PHC3: variants seen among roughly 807,000 people sequenced by gnomAD.
PHC3 encodes the protein polyhomeotic homolog 3.
A neutral mutation model predicts 107.4 loss-of-function variants in PHC3; 13 were observed. The observed-to-expected ratio is 0.12, with a 90% confidence interval of 0.08 to 0.19. The LOEUF is 0.19. PHC3 is among the 10% of genes least tolerant of loss of function. The pLI is 1.00. For missense variants in PHC3, 992 were observed against 1,210.9 expected, an observed-to-expected ratio of 0.82 and a Z score of 2.68; for synonymous variants, 456 against 427.4, an observed-to-expected ratio of 1.07 and a Z score of -0.83.
chr3:170,157,818 C>CA (rs1256541561), intron 4 of PHC3, among the ~76,000 whole-genome samples: 2 of 151,762 alleles, frequency 1.3e-5, no homozygotes, highest in Non-Finnish European at 2.9e-5. Context: ...CTCACTGACC[C>CA]ACTGAATATA....
chr3:170,161,302 C>T (rs189910485), intron 4 of PHC3, among the ~76,000 whole-genome samples: 1 of 152,326 alleles, frequency 6.6e-6, no homozygotes, highest in East Asian at 1.9e-4. Context: ...ATAGTCCAAT[C>T]TGTCAGTCTA....
chr3:170,159,017 C>A (rs1023226413), intron 4 of PHC3, among the ~76,000 whole-genome samples: 4 of 151,570 alleles, frequency 2.6e-5, no homozygotes, highest in African/African-American at 9.7e-5. Context: ...TTTGGGAGGC[C>A]AAGGCGGGCA....
At chr3:170,135,033 T>C (rs1312625982) in intron 7 of PHC3, among the ~76,000 whole-genome samples, 1 of 152,204 alleles carries the variant, frequency 6.6e-6, no homozygotes, top group Non-Finnish European at 1.5e-5. Context: ...TGGAATATTT[T>C]ACACTTACAC....
intron 6 of PHC3, among the ~76,000 whole-genome samples, chr3:170,141,634 C>T (rs888379763): frequency 6.6e-6 from 1 of 152,032 alleles, no homozygotes; most frequent in Non-Finnish European, 1.5e-5. Context: ...GTTTTTGAGA[C>T]AGGGTCTCAC....
At position 170,102,490 on chromosome 3, in the gene PHC3, T is replaced by C; in HGVS notation, c.2822A>G (p.His941Arg). 4 of 1,613,518 alleles carry C rather than the reference T, an allele frequency of 2.5e-6. No homozygotes were observed. Among genetic ancestry groups the C allele is most frequent in the Non-Finnish European group, 3.4e-6 (4 of 1,179,708 alleles). The change falls in exon 14 of 15, where the codon CAT (histidine) becomes CGT (arginine). Residue 941 changes from histidine to arginine, a missense_variant. By Grantham distance (29) the His-to-Arg change is conservative. Transcript: ENST00000495893. ...WTVDDVWAFI[H>R]SLPGCQDIAD... ...GATGAATTACATACCAGGCAAAGAA[T>C]GGATGAAGGCCCAGACATCATCAAC...
chr3:170,136,691 G>A (rs1202400747), intron 6 of PHC3, 26 bp from the exon 7 acceptor site: 1 of 1,606,566 alleles, frequency 6.2e-7, no homozygotes, highest in Non-Finnish European at 8.5e-7. Context: ...CAGAAAATTA[G>A]GATGAAAACA....
At chr3:170,130,106 C>A (rs749841688) in intron 7 of PHC3, among the ~76,000 whole-genome samples, 10 of 152,176 alleles carry the variant, frequency 6.6e-5, no homozygotes, top group Non-Finnish European at 1.3e-4. Context: ...TAATCTGAAT[C>A]TATACATGGT....
intron 4 of PHC3, among the ~76,000 whole-genome samples, chr3:170,150,385 T>G (rs1046481735): frequency 2.0e-5 from 3 of 151,980 alleles, no homozygotes; most frequent in African/African-American, 7.2e-5. Context: ...GTTTAAAACT[T>G]CTGTTAAAGA....
rs868261074 is a variant in PHC3 at position 170,135,270 on chromosome 3, C to T, written c.919+1149G>A. On this transcript the variant is annotated intron_variant, in intron 7 of 14. Coordinates refer to ENST00000495893, the MANE Select transcript of PHC3 (RefSeq NM_024947.4). ...GGTTCAAGTAACTCTCATACCTCAG[C>T]CTCCCAAGTAGCTGGGACTACAGGT... is the stretch of plus-strand genomic sequence containing the variant. Among the ~76,000 whole-genome samples the T allele has an allele frequency of 6.6e-5, 10 of 152,238 alleles. No homozygotes were observed. In the South Asian group the frequency reaches 2.1e-3, roughly 32 times the overall value.
intron 11 of PHC3, among the ~76,000 whole-genome samples, chr3:170,112,731 T>A (rs1577009442): frequency 6.6e-6 from 1 of 151,662 alleles, no homozygotes; most frequent in Non-Finnish European, 1.5e-5. Context: ...ACCATGTTGG[T>A]CAGGCTGGTC....
intron 2 of PHC3, among the ~76,000 whole-genome samples, chr3:170,174,865 G>A (rs570626331): frequency 2.0e-5 from 3 of 152,248 alleles, no homozygotes; most frequent in South Asian, 4.1e-4. Flanking sequence ...ACCTTTTTTA[G>A]TCAGATCAAT....
At chr3:170,123,192 C>A (rs1720675873) in intron 8 of PHC3, among the ~76,000 whole-genome samples, 1 of 152,114 alleles carries the variant, frequency 6.6e-6, no homozygotes, top group African/African-American at 2.4e-5. Flanking sequence ...ATCCCAGGCT[C>A]TTCCTTATTA....
rs570792617 is a variant in PHC3 at position 170,120,552 on chromosome 3, G to A, written c.1942+2039C>T. On this transcript the variant is annotated intron_variant, in intron 9 of 14. Transcript: ENST00000495893. ...CATGCCACTGCACTCCAGCCTGGGC[G>A]ACAGAGCCAGACTCCATCTCAAAAA... is the stretch of plus-strand genomic sequence containing the variant. 5.3e-5 allele frequency among the ~76,000 whole-genome samples: 8 copies of A among 151,350 alleles called. No homozygotes were observed. The East Asian group carries it at 9.7e-4, about 18-fold the overall frequency.
intron 4 of PHC3, among the ~76,000 whole-genome samples, chr3:170,152,329 C>A (rs574451735): frequency 6.7e-6 from 1 of 149,974 alleles, no homozygotes; most frequent in Admixed American, 6.6e-5. Flanking sequence ...CACCACCACG[C>A]CTGGCTAATT....
intron 12 of PHC3, among the ~76,000 whole-genome samples, chr3:170,104,604 A>C (rs117725978): frequency 6.6e-6 from 1 of 152,170 alleles, no homozygotes; most frequent in Non-Finnish European, 1.5e-5. Context: ...GAAAGTTACA[A>C]GAATAAATCC....
intron 2 of PHC3, among the ~76,000 whole-genome samples, chr3:170,172,981 AG>A (rs1729854217): frequency 6.6e-6 from 1 of 152,148 alleles, no homozygotes; most frequent in South Asian, 2.1e-4. Context: ...TCACAAGGTC[AG>A]GAGATCAAGA....
At chr3:170,107,722 T>A (rs1020481545) in intron 11 of PHC3, among the ~76,000 whole-genome samples, 1 of 152,216 alleles carries the variant, frequency 6.6e-6, no homozygotes, top group African/African-American at 2.4e-5. Context: ...GATGCTTTTT[T>A]TCATCATGCT....
At chr3:170,165,591 T>C (rs1728592731) in intron 4 of PHC3, among the ~76,000 whole-genome samples, 1 of 151,450 alleles carries the variant, frequency 6.6e-6, no homozygotes, top group South Asian at 2.1e-4. Context: ...CCGTCTCTAC[T>C]AAAAATACAA....
chr3:170,168,038 T>C (rs182912065), intron 4 of PHC3, among the ~76,000 whole-genome samples: 12 of 152,220 alleles, frequency 7.9e-5, no homozygotes, highest in Non-Finnish European at 1.5e-4. Context: ...GGTGTGCGCC[T>C]GTAGTCCCAG....
Sources: gnomAD v4.1 joint callset for allele counts (sites outside exome capture counted in the v4.1 genomes callset) on GRCh38, gnomAD v4.1.1 for gene constraint, MANE v1.5 for transcripts, NCBI Gene and HGNC (gene_info 2026-07-23, HGNC 2026-07-21) for gene names.